The following GALNT14 variants were observed in gnomAD, a reference collection of about 807,000 sequenced individuals.
GALNT14 encodes polypeptide N-acetylgalactosaminyltransferase 14.
A neutral mutation model predicts 77.5 loss-of-function variants in GALNT14; 60 were observed. The ratio of observed to expected loss-of-function variants is 0.77; its 90% confidence interval spans 0.63 to 0.96. The LOEUF (loss-of-function observed/expected upper bound fraction) is 0.96, where lower values mean the gene tolerates loss of function less well. Among genes scored for constraint, GALNT14 ranks in the 40% least tolerant of loss-of-function variants. GALNT14 has a pLI of 0.00. For missense variants in GALNT14, 710 were observed against 731.0 expected, an observed-to-expected ratio of 0.97 and a Z score of 0.33; for synonymous variants, 280 against 281.7, an observed-to-expected ratio of 0.99 and a Z score of 0.06.
intron 1 of GALNT14, chr2:31,129,413 A>C (rs1227461760): frequency 1.0e-6 from 1 of 985,334 alleles, no homozygotes; most frequent in Non-Finnish European, 1.2e-6. Context: ...TAATTAGTAA[A>C]GTCTTTCAGC....
At chr2:31,130,778 G>GCGCC (rs1231348345) in intron 1 of GALNT14, among the ~76,000 whole-genome samples, 2 of 140,836 alleles carry the variant, frequency 1.4e-5, no homozygotes, top group African/African-American at 5.8e-5. Flanking sequence ...GTGTGTGTGT[G>GCGCC]TGTGTGCGCG....
At chr2:30,946,100 C>T (rs892346384) in intron 6 of GALNT14, among the ~76,000 whole-genome samples, 2 of 152,174 alleles carry the variant, frequency 1.3e-5, no homozygotes, top group African/African-American at 2.4e-5. Context: ...CTGCTGGGAC[C>T]TCCCTGCCGC....
chr2:31,102,165 T>A (rs1490362499), intron 1 of GALNT14, among the ~76,000 whole-genome samples: 1 of 91,522 alleles, frequency 1.1e-5, no homozygotes, highest in Non-Finnish European at 2.1e-5. Flanking sequence ...GTTTTCTAAC[T>A]CATTAATCTC....
chr2:30,912,207 C>T lies in GALNT14; in HGVS notation c.1500+16G>A, dbSNP rs766116211. 3 of 1,613,586 alleles carry T rather than the reference C, an allele frequency of 1.9e-6. No individual in the cohort carries two copies. The highest frequency in any genetic ancestry group is 1.7e-5 in the Admixed American group (1 of 59,968). On this transcript the variant is annotated intron_variant, in intron 14 of 14. Coordinates refer to ENST00000349752, the MANE Select transcript of GALNT14 (RefSeq NM_024572.4). Reference sequence around the variant, plus strand: ...TACGGAGTTGGCCACATCCCAGGGACCTGCTGAGCACTTACCTGTCGGTCA... The same window carrying T: ...TACGGAGTTGGCCACATCCCAGGGATCTGCTGAGCACTTACCTGTCGGTCA...
intron 1 of GALNT14, among the ~76,000 whole-genome samples, chr2:31,106,894 G>A (rs11888638): frequency 6.6e-6 from 1 of 152,264 alleles, no homozygotes; most frequent in African/African-American, 2.4e-5. Flanking sequence ...TGGAAGGAGG[G>A]CCCAGGGTAG....
At chr2:30,987,700 T>C (rs1669387801) in intron 2 of GALNT14, among the ~76,000 whole-genome samples, 2 of 86,344 alleles carry the variant, frequency 2.3e-5, no homozygotes, top group African/African-American at 1.2e-4. Flanking sequence ...TCTACAGCCT[T>C]CCTCCTCCCT....
At chr2:31,029,677 T>C (rs1207327832) in intron 1 of GALNT14, among the ~76,000 whole-genome samples, 2 of 152,152 alleles carry the variant, frequency 1.3e-5, no homozygotes, top group African/African-American at 2.4e-5. Context: ...CGCAATCATG[T>C]AGACTAGAAC....
chr2:31,095,442 C>T (rs1327425539), intron 1 of GALNT14, among the ~76,000 whole-genome samples: 1 of 152,100 alleles, frequency 6.6e-6, no homozygotes, highest in African/African-American at 2.4e-5. Context: ...GGGTCATATG[C>T]CAGTCTCCAT....
chr2:30,916,354 C>T (rs926749345), intron 13 of GALNT14, among the ~76,000 whole-genome samples: 7 of 152,226 alleles, frequency 4.6e-5, no homozygotes, highest in Admixed American at 2.0e-4. Flanking sequence ...AGTTCATCTG[C>T]ATCTCATTAT....
intron 1 of GALNT14, among the ~76,000 whole-genome samples, chr2:31,099,240 T>G (rs1252880598): frequency 1.3e-5 from 2 of 152,104 alleles, no homozygotes; most frequent in Non-Finnish European, 2.9e-5. Context: ...TTAGGTCTAT[T>G]CATATTTCTT....
chr2:30,947,387 G>A (rs147014503), intron 6 of GALNT14, among the ~76,000 whole-genome samples: 4 of 152,160 alleles, frequency 2.6e-5, no homozygotes, highest in Admixed American at 6.5e-5. Flanking sequence ...CCCCATCTAC[G>A]GCATCAAAAT....
chr2:31,059,671 C>CTCCA lies in GALNT14; in HGVS notation c.130-66668_130-66665dup, dbSNP rs562349204. On this transcript the variant is annotated intron_variant, in intron 1 of 14. Coordinates refer to ENST00000349752, the MANE Select transcript of GALNT14 (RefSeq NM_024572.4). Reference sequence around the variant, plus strand: ...AGTGAGCCATGATTGTGCCACTGCACTCCAGCCTAGGCAACAGAGCAAGAC... The same window carrying CTCCA: ...AGTGAGCCATGATTGTGCCACTGCACTCCATCCAGCCTAGGCAACAGAGCAAGAC... 7.9e-5 allele frequency among the ~76,000 whole-genome samples: 12 copies of CTCCA among 152,236 alleles called. No homozygotes were observed. In the East Asian group the frequency reaches 2.3e-3, roughly 29 times the overall value.
In GALNT14 at chr2:31,025,163, C is replaced by T. The variant is rs13422179; in HGVS notation, c.130-32156G>A. ...GCTTCACATGAATCATCTCATTTCA[C>T]CCTTGCCATAATTCTAAGATGTAGT... On this transcript the variant is annotated intron_variant, in intron 1 of 14. Transcript: ENST00000349752. Among the ~76,000 whole-genome samples, 962 of 152,332 alleles carry T rather than the reference C, an allele frequency of 6.3e-3. 6 individuals carry two copies. The highest frequency in any genetic ancestry group is 0.017 in the African/African-American group (723 of 41,576).
intron 2 of GALNT14, among the ~76,000 whole-genome samples, chr2:30,986,361 T>C (rs769915759): frequency 5.9e-5 from 9 of 152,182 alleles, no homozygotes; most frequent in Non-Finnish European, 1.0e-4. Context: ...AGCAAGAACA[T>C]ACATATGCTT....
At chr2:31,009,028 C>T (rs926662454) in intron 1 of GALNT14, among the ~76,000 whole-genome samples, 9 of 152,194 alleles carry the variant, frequency 5.9e-5, no homozygotes, top group Non-Finnish European at 1.0e-4. Flanking sequence ...ATCAATGCCC[C>T]GGGCTGCAGG....
intron 1 of GALNT14, among the ~76,000 whole-genome samples, chr2:31,113,609 G>A (rs1228152208): frequency 6.6e-6 from 1 of 152,152 alleles, no homozygotes; most frequent in Non-Finnish European, 1.5e-5. Context: ...CAACAGCCTG[G>A]CTGGTGGTAC....
chr2:30,889,359 T>C, the GALNT14 span, among the ~76,000 whole-genome samples: 1 of 152,190 alleles, frequency 6.6e-6, no homozygotes, highest in Non-Finnish European at 1.5e-5. Flanking sequence ...CAGCTCCTCC[T>C]CCCATTGCTG....
At chr2:31,036,574 C>T (rs1672748805) in intron 1 of GALNT14, among the ~76,000 whole-genome samples, 1 of 152,054 alleles carries the variant, frequency 6.6e-6, no homozygotes, top group South Asian at 2.1e-4. Context: ...TTTTTGTTTA[C>T]TTCTGTAGTT....
intron 1 of GALNT14, among the ~76,000 whole-genome samples, chr2:31,016,262 A>G (rs1432925796): frequency 3.3e-5 from 5 of 151,982 alleles, no homozygotes; most frequent in East Asian, 1.9e-4. Context: ...TACATCCCCA[A>G]TGTCTCTTTC....
Sources: gnomAD v4.1 joint callset for allele counts (sites outside exome capture counted in the v4.1 genomes callset) on GRCh38, gnomAD v4.1.1 for gene constraint, MANE v1.5 for transcripts, NCBI Gene and HGNC (gene_info 2026-07-23, HGNC 2026-07-21) for gene names.